The following ZFHX3 variants were observed in gnomAD, a reference collection of about 807,000 sequenced individuals.
ZFHX3 encodes zinc finger homeobox 3, also known as zinc finger homeobox protein 3.
Under a neutral mutation model 279.1 loss-of-function variants are expected in ZFHX3, and 42 were observed. That is an observed-to-expected ratio of 0.15 (90% CI 0.12 to 0.19). ZFHX3 has a LOEUF of 0.19. ZFHX3 is among the 10% of genes least tolerant of loss of function. ZFHX3 has a pLI of 1.00. For synonymous variants in ZFHX3, 2,293 were observed against 1,957.8 expected (o/e 1.17, Z -4.52); for missense variants, 4,981 against 4,754.0 (o/e 1.05, Z -1.40).
intron 1 of ZFHX3, among the ~76,000 whole-genome samples, chr16:73,799,052 T>A (rs568313760): frequency 6.6e-6 from 1 of 152,252 alleles, no homozygotes; most frequent in East Asian, 1.9e-4. Flanking sequence ...ACCTGATGTG[T>A]CTATTTGGAA....
chr16:73,214,058 C>T (rs1377454366), intron 5 of ZFHX3, among the ~76,000 whole-genome samples: 4 of 152,196 alleles, frequency 2.6e-5, no homozygotes, highest in Admixed American at 2.0e-4. Context: ...TATTTAACAT[C>T]CAGTAAACAC....
intron 2 of ZFHX3, among the ~76,000 whole-genome samples, chr16:73,585,633 A>G (rs2051918227): frequency 6.6e-6 from 1 of 152,210 alleles, no homozygotes; most frequent in African/African-American, 2.4e-5. Context: ...CAGCAAAAAC[A>G]AACAACAAAA....
At chr16:72,889,143 G>A (rs975318394) in intron 4 of ZFHX3, among the ~76,000 whole-genome samples, 1 of 152,060 alleles carries the variant, frequency 6.6e-6, no homozygotes, top group Non-Finnish European at 1.5e-5. Context: ...CCACTAGCAG[G>A]TCTCGACGCA....
chr16:73,313,470 C>T (rs1163074227), intron 4 of ZFHX3, among the ~76,000 whole-genome samples: 1 of 152,168 alleles, frequency 6.6e-6, no homozygotes, highest in Non-Finnish European at 1.5e-5. Context: ...ACCTATACAA[C>T]TTATTTACCA....
intron 2 of ZFHX3, among the ~76,000 whole-genome samples, chr16:72,955,549 C>T (rs577614407): frequency 7.4e-4 from 112 of 152,278 alleles, no homozygotes; most frequent in African/African-American, 2.1e-3. Flanking sequence ...GAGGCCAAGG[C>T]GGGCAGATCA....
At chr16:73,697,534 T>C (rs2053208842) in intron 1 of ZFHX3, among the ~76,000 whole-genome samples, 1 of 152,198 alleles carries the variant, frequency 6.6e-6, no homozygotes, top group Admixed American at 6.5e-5. Flanking sequence ...AAATTCAAGG[T>C]GAGTCATCCC....
intron 1 of ZFHX3, among the ~76,000 whole-genome samples, chr16:73,781,952 A>C (rs1329465636): frequency 6.6e-6 from 1 of 152,156 alleles, no homozygotes; most frequent in Non-Finnish European, 1.5e-5. Flanking sequence ...GTGCCACTGC[A>C]CTCCAGCCAG....
chr16:73,231,795 C>T (rs781493595), intron 5 of ZFHX3, among the ~76,000 whole-genome samples: 1 of 152,292 alleles, frequency 6.6e-6, no homozygotes, highest in African/African-American at 2.4e-5. Flanking sequence ...TCTGTGATTA[C>T]CACTTCTTTG....
At chr16:73,529,566 A>G (rs1258454413) in intron 2 of ZFHX3, among the ~76,000 whole-genome samples, 3 of 152,212 alleles carry the variant, frequency 2.0e-5, no homozygotes, top group Admixed American at 2.0e-4. Context: ...GAGGTCAGCT[A>G]GTAGGCTTGA....
At chr16:73,344,480 T>G (rs1301078243) in intron 3 of ZFHX3, among the ~76,000 whole-genome samples, 1 of 152,222 alleles carries the variant, frequency 6.6e-6, no homozygotes. Flanking sequence ...AAGCACATTC[T>G]TGGAAGGATG....
At chr16:73,302,899 T>G (rs1004801814) in intron 4 of ZFHX3, among the ~76,000 whole-genome samples, 29 of 152,330 alleles carry the variant, frequency 1.9e-4, no homozygotes, top group South Asian at 4.1e-4. Flanking sequence ...CTATTTGCTT[T>G]GAGCAGGTGG....
In ZFHX3 at chr16:73,219,380, G is replaced by T. The variant is rs2012329845; in HGVS notation, c.-1104+37667C>A. 2.0e-5 allele frequency among the ~76,000 whole-genome samples: 3 copies of T among 152,180 alleles called. No homozygotes were observed. In the South Asian group the frequency reaches 6.2e-4, roughly 32 times the overall value. On this transcript the variant is annotated intron_variant, in intron 5 of 17. Transcript: ENST00000641206. ...AGGCACTCAACCCATGCTGCTTGAT[G>T]AGAGTTCACATTCTTGCCTCTAGGG...
At chr16:73,351,378 G>A (rs879058915) in intron 3 of ZFHX3, among the ~76,000 whole-genome samples, 6 of 152,154 alleles carry the variant, frequency 3.9e-5, no homozygotes, top group Non-Finnish European at 5.9e-5. Flanking sequence ...TCAACAGGCC[G>A]TATTGGTCCC....
chr16:73,101,175 C>T (rs1241564348), intron 7 of ZFHX3, among the ~76,000 whole-genome samples: 1 of 152,136 alleles, frequency 6.6e-6, no homozygotes, highest in Non-Finnish European at 1.5e-5. Context: ...CCTGTTTGTA[C>T]CATTAGAGCA....
At chr16:72,841,249 C>A (rs769437209) in intron 4 of ZFHX3, among the ~76,000 whole-genome samples, 1 of 152,198 alleles carries the variant, frequency 6.6e-6, no homozygotes, top group Non-Finnish European at 1.5e-5. Flanking sequence ...AGTCCCCAAG[C>A]ATGCATCAGT....
At chr16:73,379,436 A>AT (rs1403493103) in intron 3 of ZFHX3, among the ~76,000 whole-genome samples, 1 of 152,192 alleles carries the variant, frequency 6.6e-6, no homozygotes, top group Non-Finnish European at 1.5e-5. Flanking sequence ...ATAAAATGGA[A>AT]TAAAAGCCAA....
At chr16:73,302,808 G>T (rs892625632) in intron 4 of ZFHX3, among the ~76,000 whole-genome samples, 2 of 152,210 alleles carry the variant, frequency 1.3e-5, no homozygotes, top group African/African-American at 4.8e-5. Flanking sequence ...CTGTGGAGAA[G>T]TCAGTGGCCA....
intron 2 of ZFHX3, among the ~76,000 whole-genome samples, chr16:73,540,109 G>A (rs751837707): frequency 1.3e-5 from 2 of 152,198 alleles, no homozygotes; most frequent in Non-Finnish European, 2.9e-5. Flanking sequence ...TTGTCATAAT[G>A]TTTCATGAAG....
chr16:72,846,074 G>A (rs535173315), intron 4 of ZFHX3, among the ~76,000 whole-genome samples: 2 of 152,282 alleles, frequency 1.3e-5, no homozygotes, highest in South Asian at 2.1e-4. Context: ...TTGACAACAC[G>A]GCTGTGAACA....
Sources: allele counts gnomAD v4.1 joint callset (sites outside exome capture counted in the v4.1 genomes callset), GRCh38; gene constraint gnomAD v4.1.1; transcripts MANE v1.5; gene names NCBI Gene and HGNC (gene_info 2026-07-23, HGNC 2026-07-21).